Variants in CC2D2B observed in about 807,000 individuals in gnomAD.
CC2D2B encodes coiled-coil and C2 domain containing 2B.
Under a neutral mutation model 161.2 loss-of-function variants are expected in CC2D2B, and 128 were observed. The ratio of observed to expected loss-of-function variants is 0.79; its 90% confidence interval spans 0.69 to 0.92. The LOEUF (loss-of-function observed/expected upper bound fraction) is 0.92. Ranked by LOEUF, CC2D2B falls within the 40% of genes least tolerant of loss-of-function variation. The probability of loss-of-function intolerance (pLI) is 0.00; values close to 1 mark genes in which losing one functional copy is unlikely to be tolerated. For synonymous variants in CC2D2B, 391 were observed against 449.8 expected (o/e 0.87, Z 1.65); for missense variants, 1,173 against 1,375.1 (o/e 0.85, Z 2.32).
intron 24 of CC2D2B, chr10:95,999,993 T>A: frequency 1.0e-6 from 1 of 999,128 alleles, no homozygotes; most frequent in South Asian, 1.4e-5. Context: ...TTAATTCTCT[T>A]GGCAAGAATC....
chr10:96,013,163 C>T (rs2079058538), intron 28 of CC2D2B, among the ~76,000 whole-genome samples: 1 of 152,130 alleles, frequency 6.6e-6, no homozygotes, highest in African/African-American at 2.4e-5. Flanking sequence ...AACATCAGTT[C>T]ATGAACTTTC....
intron 32 of CC2D2B, chr10:96,021,540 G>A (rs2141925090): frequency 6.6e-6 from 1 of 152,350 alleles, no homozygotes; most frequent in Non-Finnish European, 1.5e-5. Flanking sequence ...AGCCGAGGTT[G>A]AGAATCACTG....
chr10:96,016,965 G>A (rs10882711), intron 30 of CC2D2B, among the ~76,000 whole-genome samples: 12,094 of 152,062 alleles, frequency 0.08, 970 homozygotes, highest in East Asian at 0.32. Context: ...TGATCCACCC[G>A]CCTTGGTCTC....
intron 22 of CC2D2B, among the ~76,000 whole-genome samples, chr10:95,994,776 A>G (rs1304428503): frequency 6.6e-6 from 1 of 152,240 alleles, no homozygotes; most frequent in Non-Finnish European, 1.5e-5. Context: ...TAGTAATACA[A>G]AAAGAGTAAT....
chr10:95,938,995 G>C (rs1590455070), intron 9 of CC2D2B, 70 bp downstream of exon 9: 1 of 611,632 alleles, frequency 1.6e-6, no homozygotes, highest in African/African-American at 1.9e-5. Flanking sequence ...TGGTGGTTTT[G>C]TGGTGTTGAT....
intron 2 of CC2D2B, among the ~76,000 whole-genome samples, chr10:95,912,092 G>A (rs367656932): frequency 6.6e-6 from 1 of 152,098 alleles, no homozygotes; most frequent in Admixed American, 6.6e-5. Flanking sequence ...CATGTCAATA[G>A]CCTGCTTTGG....
rs1564683762 is a variant in CC2D2B at position 96,025,170 on chromosome 10, T to TAAAAAAAAAA, written c.3947+260_3947+261insAAAAAAAAAA. Among the ~76,000 whole-genome samples, 10 of 19,314 alleles carry TAAAAAAAAAA rather than the reference T, an allele frequency of 5.2e-4. No individual in the cohort carries two copies. The East Asian group carries it at 8.1e-3, about 16-fold the overall frequency. 12.7% of individuals were successfully genotyped at this position (19,314 alleles called of 152,430 possible). ...CTAAAAAAAAATATATATATATATA[T>TAAAAAAAAAA]ATATATATATATATAAAAAAAAATA... is the stretch of plus-strand genomic sequence containing the variant. On this transcript the variant is annotated intron_variant, in intron 33 of 34. Coordinates refer to ENST00000646931, the MANE Select transcript of CC2D2B (RefSeq NM_001349008.3).
At chr10:95,913,925 G>A (rs1260115097) in intron 2 of CC2D2B, among the ~76,000 whole-genome samples, 1 of 152,066 alleles carries the variant, frequency 6.6e-6, no homozygotes, top group Non-Finnish European at 1.5e-5. Flanking sequence ...CTGTTTCTTT[G>A]TTGATTGTTT....
chr10:95,999,498 T>A (rs2078375475), intron 24 of CC2D2B, among the ~76,000 whole-genome samples: 2 of 152,066 alleles, frequency 1.3e-5, no homozygotes, highest in African/African-American at 4.8e-5. Flanking sequence ...CCATGATGAT[T>A]TAGAGGGACT....
chr10:95,982,442 C>T (rs945319948), intron 18 of CC2D2B, among the ~76,000 whole-genome samples: 4 of 152,112 alleles, frequency 2.6e-5, no homozygotes, highest in Admixed American at 1.3e-4. Context: ...CTGAAGATAC[C>T]GAGATGATTT....
At chr10:95,941,093 A>G (rs1360977724) in intron 9 of CC2D2B, among the ~76,000 whole-genome samples, 1 of 152,228 alleles carries the variant, frequency 6.6e-6, no homozygotes, top group African/African-American at 2.4e-5. Context: ...CAATGGGGAA[A>G]GGATAGTCTC....
intron 22 of CC2D2B, among the ~76,000 whole-genome samples, chr10:95,994,917 T>C (rs914677308): frequency 6.6e-6 from 1 of 152,220 alleles, no homozygotes; most frequent in Non-Finnish European, 1.5e-5. Flanking sequence ...AGTTTGTGCC[T>C]TCAGTCTCTT....
chr10:95,924,554 C>A (rs1056963436), intron 4 of CC2D2B, among the ~76,000 whole-genome samples, 164 bp downstream of exon 4: 4 of 152,050 alleles, frequency 2.6e-5, no homozygotes, highest in African/African-American at 9.7e-5. Context: ...CCTTTTGTCT[C>A]ATAACATCCT....
Position 96,012,745 on chromosome 10 carries a change from T to C in CC2D2B, c.3426+16T>C. ...TGCAACATTTGTAAGTTATTATTAT[T>C]TTTAACATCTTCATTGTGATTAAAG... On this transcript the variant is annotated intron_variant, in intron 28 of 34. Coordinates refer to ENST00000646931, the MANE Select transcript of CC2D2B (RefSeq NM_001349008.3). 1 of 1,428,398 alleles carries C rather than the reference T, an allele frequency of 7.0e-7. No individual in the cohort carries two copies. The highest frequency in any genetic ancestry group is 9.9e-7 in the Non-Finnish European group (1 of 1,012,328). The allele number at this position is 1,428,398 out of a possible 1,614,324, so 88.5% of individuals were successfully genotyped here.
Position 96,019,212 on chromosome 10 carries a change from G to T in CC2D2B, c.3640G>T (p.Ala1214Ser). 1 of 1,601,114 alleles carries T rather than the reference G, an allele frequency of 6.2e-7. No individual in the cohort carries two copies. The highest frequency in any genetic ancestry group is 1.3e-5 in the African/African-American group (1 of 74,212). ...LGTSVLEGHV[A>S]YVVTQETNEY... The stretch of plus-strand genomic sequence containing the variant: ...CTTTTTTCTCATACAGGGGCATGTG[G>T]CTTATGTAGTAACTCAAGAAACTAA... Residue 1214 changes from alanine to serine, a missense_variant, in exon 31 of 35, where the codon GCT (alanine) becomes TCT (serine). Ala to Ser is a moderately conservative substitution (Grantham distance 99). This residue lies in a region of CC2D2B where 598 missense variants were observed against 693.2 expected (regional missense o/e 0.86). Coordinates refer to ENST00000646931, the MANE Select transcript of CC2D2B (RefSeq NM_001349008.3).
At chr10:95,936,527 G>A (rs182105410) in intron 6 of CC2D2B, among the ~76,000 whole-genome samples, 1 of 152,262 alleles carries the variant, frequency 6.6e-6, no homozygotes, top group East Asian at 1.9e-4. Context: ...AAACTCACTT[G>A]TATCCATCTA....
At chr10:96,010,628 G>C (rs1411537340) in intron 26 of CC2D2B, among the ~76,000 whole-genome samples, 1 of 152,146 alleles carries the variant, frequency 6.6e-6, no homozygotes, top group Non-Finnish European at 1.5e-5. Context: ...TACTGTTCCT[G>C]GGTTGCAAGT....
At chr10:95,908,832 AATAC>A (rs1330054349) in intron 1 of CC2D2B, among the ~76,000 whole-genome samples, 1 of 134,950 alleles carries the variant, frequency 7.4e-6, no homozygotes, top group Non-Finnish European at 1.7e-5. Context: ...TCTAAGAATT[AATAC>A]ATTTTTATAA....
At chr10:95,920,182 A>G (rs36103691) in intron 2 of CC2D2B, 13,279 of 152,130 alleles carry the variant, frequency 0.087, 707 homozygotes, top group Middle Eastern at 0.16. Flanking sequence ...TGGATACCCA[A>G]GTGTGTAGTC....
Sources: gnomAD v4.1 joint callset for allele counts (sites outside exome capture counted in the v4.1 genomes callset) on GRCh38, gnomAD v4.1.1 for gene constraint, gnomAD v4.1.1 regional missense constraint, MANE v1.5 for transcripts, NCBI Gene and HGNC (gene_info 2026-07-23, HGNC 2026-07-21) for gene names.